The following REDIC1 variants were observed in gnomAD, a reference collection of about 807,000 sequenced individuals.
The protein encoded by REDIC1 is HEI10 Interacting Protein 1.
chr12:39,785,103 G>A, the REDIC1 span, among the ~76,000 whole-genome samples: 1 of 152,162 alleles, frequency 6.6e-6, no homozygotes, highest in Non-Finnish European at 1.5e-5. Flanking sequence ...AAGTAGCAAG[G>A]GGCCTAATGT....
chr12:39,895,543 TATATATATACAC>T, the REDIC1 span, among the ~76,000 whole-genome samples: 450 of 78,804 alleles, frequency 5.7e-3, 45 homozygotes, highest in Admixed American at 0.048. Context: ...TATATATATA[TATATATATACAC>T]ACACACACAC....
chr12:39,801,813 C>T, the REDIC1 span, among the ~76,000 whole-genome samples: 1 of 152,104 alleles, frequency 6.6e-6, no homozygotes, highest in African/African-American at 2.4e-5. Flanking sequence ...AGTGGAGACC[C>T]AGCATCTTAT....
the REDIC1 span, among the ~76,000 whole-genome samples, chr12:39,897,497 C>T: frequency 1.4e-4 from 22 of 152,170 alleles, no homozygotes; most frequent in African/African-American, 5.3e-4. Flanking sequence ...TGGACTACAA[C>T]TTCTAATTCA....
At chr12:39,874,108 C>G in the REDIC1 span, among the ~76,000 whole-genome samples, 1 of 152,240 alleles carries the variant, frequency 6.6e-6, no homozygotes, top group Non-Finnish European at 1.5e-5. Context: ...GCACAAAGGA[C>G]AGAGCAAATA....
chr12:39,783,927 A>AAT, the REDIC1 span, among the ~76,000 whole-genome samples: 1 of 152,204 alleles, frequency 6.6e-6, no homozygotes, highest in African/African-American at 2.4e-5. Flanking sequence ...CCTGTACACA[A>AAT]ATAACAGACA....
chr12:39,854,884 T>A, the REDIC1 span, among the ~76,000 whole-genome samples: 14 of 152,186 alleles, frequency 9.2e-5, no homozygotes, highest in Admixed American at 5.9e-4. Flanking sequence ...TTTTCATTGG[T>A]CTGAGAAACT....
At chr12:39,728,024 A>T in the REDIC1 span, among the ~76,000 whole-genome samples, 8 of 152,200 alleles carry the variant, frequency 5.3e-5, no homozygotes, top group Non-Finnish European at 1.0e-4. Flanking sequence ...ACTTTCCTGA[A>T]GTTGCTTATC....
chr12:39,638,899 G>A, the REDIC1 span, among the ~76,000 whole-genome samples: 1 of 151,898 alleles, frequency 6.6e-6, no homozygotes, highest in Admixed American at 6.6e-5. Flanking sequence ...GAGAAAATCA[G>A]CCTGGAATAA....
chr12:39,755,585 G>A, the REDIC1 span: 1 of 151,946 alleles, frequency 6.6e-6, no homozygotes, highest in African/African-American at 2.4e-5. Context: ...TAAATGAGAT[G>A]GAATAATGTT....
chr12:39,728,088 G>T, the REDIC1 span, among the ~76,000 whole-genome samples: 2 of 152,138 alleles, frequency 1.3e-5, no homozygotes, highest in African/African-American at 2.4e-5. Context: ...ATACAATCAT[G>T]TCATCAGCAA....
the REDIC1 span, among the ~76,000 whole-genome samples, chr12:39,667,469 G>A: frequency 1.2e-3 from 188 of 152,308 alleles, 1 homozygote; most frequent in Admixed American, 0.012. Flanking sequence ...CATTTGCTGA[G>A]GAGTGCTTTA....
chr12:39,646,421 TG>T, the REDIC1 span: 2 of 1,526,946 alleles, frequency 1.3e-6, no homozygotes, highest in Non-Finnish European at 1.8e-6. Context: ...GTCGCCTCAC[TG>T]TGTACCTTCT....
the REDIC1 span, among the ~76,000 whole-genome samples, chr12:39,713,344 ATG>A: frequency 1.4e-5 from 2 of 145,452 alleles, no homozygotes; most frequent in Non-Finnish European, 3.0e-5. Context: ...ACGTGTATAT[ATG>A]TGTATACACA....
At chr12:39,712,785 AC>A in the REDIC1 span, among the ~76,000 whole-genome samples, 3 of 138,704 alleles carry the variant, frequency 2.2e-5, no homozygotes, top group African/African-American at 7.7e-5. Context: ...ATGTGTATAT[AC>A]GTATATGTAT....
chr12:39,698,236 G>T, the REDIC1 span, among the ~76,000 whole-genome samples: 1 of 152,130 alleles, frequency 6.6e-6, no homozygotes. Flanking sequence ...CATTAAAGAG[G>T]TAGTTAGGCC....
the REDIC1 span, among the ~76,000 whole-genome samples, chr12:39,883,768 A>G: frequency 6.6e-6 from 1 of 152,222 alleles, no homozygotes; most frequent in South Asian, 2.1e-4. Flanking sequence ...TTATGCAAAT[A>G]TATGTAGTTT....
chr12:39,905,490 T>C, the REDIC1 span, among the ~76,000 whole-genome samples: 2 of 152,132 alleles, frequency 1.3e-5, no homozygotes, highest in African/African-American at 2.4e-5. Context: ...AGTTGCTTCA[T>C]TTTGTGGCAT....
the REDIC1 span, among the ~76,000 whole-genome samples, chr12:39,896,329 T>A: frequency 7.0e-6 from 1 of 142,424 alleles, no homozygotes; most frequent in Non-Finnish European, 1.5e-5. Flanking sequence ...TGTATATGTG[T>A]ATATATGTAT....
chr12:39,691,379 A>G, the REDIC1 span, among the ~76,000 whole-genome samples: 5 of 152,192 alleles, frequency 3.3e-5, no homozygotes, highest in African/African-American at 1.2e-4. Context: ...TTATAAGCCC[A>G]TGATATGTAT....
Sources: gnomAD v4.1 joint callset for allele counts (sites outside exome capture counted in the v4.1 genomes callset) on GRCh38, gnomAD v4.1.1 for gene constraint, MANE v1.5 for transcripts, NCBI Gene and HGNC (gene_info 2026-07-23, HGNC 2026-07-21) for gene names.